The following SLIT3 variants were observed in gnomAD, a reference collection of about 807,000 sequenced individuals.
SLIT3 encodes the protein slit guidance ligand 3.
In SLIT3, 68 loss-of-function variants were observed where a neutral mutation model predicts 184.0. The ratio of observed to expected loss-of-function variants is 0.37; its 90% CI spans 0.30 to 0.45. The LOEUF (loss-of-function observed/expected upper bound fraction) is 0.45. Among genes scored for constraint, SLIT3 ranks in the 20% least tolerant of loss-of-function variants. The pLI, the probability that SLIT3 is intolerant of heterozygous loss-of-function variation, is 1.00. For synonymous variants in SLIT3, 831 were observed against 828.6 expected (o/e 1.00, Z -0.05); for missense variants, 1,707 against 2,026.0 (o/e 0.84, Z 3.02).
chr5:168,846,476 T>C (rs1758473885), intron 5 of SLIT3, among the ~76,000 whole-genome samples: 1 of 152,178 alleles, frequency 6.6e-6, no homozygotes, highest in Non-Finnish European at 1.5e-5. Context: ...AGTCTAGTCC[T>C]GCTGCCCAGC....
intron 4 of SLIT3, among the ~76,000 whole-genome samples, chr5:168,897,038 T>A (rs1760687567): frequency 6.6e-6 from 1 of 152,204 alleles, no homozygotes; most frequent in African/African-American, 2.4e-5. Context: ...ATTCCTTAGT[T>A]GTGGCTACTC....
At chr5:169,265,399 CCAT>C (rs1766359249) in intron 1 of SLIT3, among the ~76,000 whole-genome samples, 1 of 152,158 alleles carries the variant, frequency 6.6e-6, no homozygotes, top group South Asian at 2.1e-4. Context: ...ATTTTAGTGG[CCAT>C]CATAAGCTGG....
At position 169,242,315 on chromosome 5, in the gene SLIT3, C is replaced by G. The variant is rs149167757; in HGVS notation, c.341+2390G>C. Among the ~76,000 whole-genome samples, 1,442 of 152,276 alleles carry G rather than the reference C, an allele frequency of 9.5e-3. 26 individuals are homozygous for G. The highest frequency in any genetic ancestry group is 0.033 in the African/African-American group (1,375 of 41,548). ...TTCCTGATTAAGTACTTCTTCAGAT[C>G]ACTTGCAATAGAAGTCAGAGATTGG... On this transcript the variant is annotated intron_variant, in intron 3 of 35. Coordinates refer to ENST00000519560, the MANE Select transcript of SLIT3 (RefSeq NM_003062.4).
intron 4 of SLIT3, among the ~76,000 whole-genome samples, chr5:169,054,926 A>G (rs942910484): frequency 2.0e-5 from 3 of 151,792 alleles, no homozygotes; most frequent in Non-Finnish European, 2.9e-5. Flanking sequence ...TTCTTCCCAC[A>G]TTGAACAGGT....
intron 6 of SLIT3, among the ~76,000 whole-genome samples, chr5:168,835,839 T>C (rs957970874): frequency 6.6e-6 from 1 of 152,114 alleles, no homozygotes; most frequent in Non-Finnish European, 1.5e-5. Flanking sequence ...GTTTTTGTTT[T>C]TGTTTTAGTT....
At chr5:168,923,516 C>CTTT (rs35732966) in intron 4 of SLIT3, among the ~76,000 whole-genome samples, 1 of 134,364 alleles carries the variant, frequency 7.4e-6, no homozygotes. Context: ...TCCTAAATAT[C>CTTT]TTTTTTTTTT....
chr5:168,898,339 A>G (rs997840831), intron 4 of SLIT3, among the ~76,000 whole-genome samples: 5 of 151,868 alleles, frequency 3.3e-5, no homozygotes, highest in Admixed American at 6.6e-5. Context: ...AGTGGCAGGA[A>G]GTGGTCCCCC....
chr5:169,289,008 G>A (rs780012225), intron 1 of SLIT3, among the ~76,000 whole-genome samples: 15 of 152,246 alleles, frequency 9.9e-5, no homozygotes, highest in Middle Eastern at 6.8e-3. Flanking sequence ...TAAGGTATTC[G>A]CATAGCACTA....
intron 4 of SLIT3, among the ~76,000 whole-genome samples, chr5:169,105,516 G>T (rs1561668109): frequency 1.3e-5 from 2 of 152,226 alleles, no homozygotes; most frequent in Non-Finnish European, 2.9e-5. Flanking sequence ...CGTTACCAAG[G>T]TTGGAGTTGT....
Position 168,711,057 on chromosome 5 carries a change from C to A in SLIT3, c.2557G>T (p.Ala853Ser). ...FNDLTSLSHL[A>S]LGTNPLHCDC... ...CAGTGGAGTGGGTTGGTTCCCAGCG[C>A]CCTAGGAGGCAGAACAGGAAGTCAG... is the stretch of plus-strand genomic sequence containing the variant. Residue 853 changes from alanine to serine, a missense_variant and splice_region_variant, in exon 25 of 36, where the codon GCG becomes TCG. By Grantham distance (99) the Ala-to-Ser change is moderately conservative. Transcript: ENST00000519560. The A allele has an allele frequency of 6.4e-7, 1 of 1,571,080 alleles. No individual in the cohort carries two copies. The highest frequency in any genetic ancestry group is 8.7e-7 in the Non-Finnish European group (1 of 1,155,844).
intron 4 of SLIT3, among the ~76,000 whole-genome samples, chr5:168,936,474 C>T (rs1762163113): frequency 6.6e-6 from 1 of 152,158 alleles, no homozygotes; most frequent in East Asian, 1.9e-4. Flanking sequence ...ACCTCGTGAT[C>T]CACCCGCCTA....
At chr5:168,684,244 G>C (rs1370631585) in intron 31 of SLIT3, 148 bp from the exon 32 acceptor site, 3 of 839,652 alleles carry the variant, frequency 3.6e-6, no homozygotes, top group Admixed American at 6.9e-5. Context: ...CATCTAGTCA[G>C]TAAATCCCCA....
intron 4 of SLIT3, among the ~76,000 whole-genome samples, chr5:169,072,195 A>C (rs764266332): frequency 6.6e-6 from 1 of 152,192 alleles, no homozygotes; most frequent in Non-Finnish European, 1.5e-5. Context: ...GTGTCCATGC[A>C]TGTAAGAGTG....
chr5:169,278,759 G>A (rs1448209950), intron 1 of SLIT3, among the ~76,000 whole-genome samples: 1 of 152,100 alleles, frequency 6.6e-6, no homozygotes, highest in Non-Finnish European at 1.5e-5. Context: ...TTCTTCACAT[G>A]GGCTACCCAT....
intron 4 of SLIT3, among the ~76,000 whole-genome samples, chr5:169,124,609 G>C (rs1203636766): frequency 6.6e-6 from 1 of 152,184 alleles, no homozygotes; most frequent in African/African-American, 2.4e-5. Context: ...AAGATTGTGA[G>C]AAATAGAGTG....
intron 3 of SLIT3, among the ~76,000 whole-genome samples, chr5:169,232,120 T>TA (rs781636245): frequency 0.012 from 1,820 of 152,336 alleles, 23 homozygotes; most frequent in Non-Finnish European, 0.015. Flanking sequence ...CTTTCAATAA[T>TA]GTATTTTGGC....
In SLIT3 at chr5:168,907,973, T is replaced by TAGAGAG. The variant is rs1360826933; in HGVS notation, c.414-24638_414-24637insCTCTCT. ...ATATATATATATATATATATATATA[T>TAGAGAG]ATATATAGAGAGAGAGAGAGAGAGA... On this transcript the variant is annotated intron_variant, in intron 4 of 35. Coordinates refer to ENST00000519560, the MANE Select transcript of SLIT3 (RefSeq NM_003062.4). Among the ~76,000 whole-genome samples, 298 of 66,710 alleles carry TAGAGAG rather than the reference T, an allele frequency of 4.5e-3. 1 individual carries two copies. The highest frequency in any genetic ancestry group is 0.013 in the African/African-American group (179 of 13,978). 43.8% of individuals were successfully genotyped at this position (66,710 alleles called of 152,430 possible).
chr5:168,714,351 T>G (rs1369352794), intron 23 of SLIT3, among the ~76,000 whole-genome samples: 1 of 152,138 alleles, frequency 6.6e-6, no homozygotes, highest in Non-Finnish European at 1.5e-5. Context: ...AGGCCTAACT[T>G]TAAAACACCG....
chr5:169,120,794 G>A (rs1760847417), intron 4 of SLIT3, among the ~76,000 whole-genome samples: 1 of 152,006 alleles, frequency 6.6e-6, no homozygotes, highest in Admixed American at 6.6e-5. Context: ...TTATAGTCTT[G>A]GTTTACTTGA....
Sources: gnomAD v4.1 joint callset for allele counts (sites outside exome capture counted in the v4.1 genomes callset) on GRCh38, gnomAD v4.1.1 for gene constraint, MANE v1.5 for transcripts, NCBI Gene and HGNC (gene_info 2026-07-23, HGNC 2026-07-21) for gene names.